DGKB: variants seen among roughly 807,000 people sequenced by gnomAD.
DGKB encodes 90 kDa diacylglycerol kinase.
Under a neutral mutation model 114.3 loss-of-function variants are expected in DGKB, and 67 were observed. That is an observed-to-expected ratio of 0.59 (90% CI 0.48 to 0.72). The LOEUF (loss-of-function observed/expected upper bound fraction) is 0.72. DGKB is among the 30% of genes least tolerant of loss of function. DGKB has a pLI of 0.00. For synonymous variants in DGKB, 398 were observed against 323.1 expected, an observed-to-expected ratio of 1.23 and a Z score of -2.49; for missense variants, 907 against 975.2, an observed-to-expected ratio of 0.93 and a Z score of 0.93.
intron 17 of DGKB, among the ~76,000 whole-genome samples, chr7:14,605,382 CTA>C (rs1328822874): frequency 3.0e-4 from 40 of 131,542 alleles, no homozygotes; most frequent in African/African-American, 8.0e-4. Context: ...ATATATACAC[CTA>C]TATATGTGTG....
intron 13 of DGKB, among the ~76,000 whole-genome samples, chr7:14,641,469 C>A (rs565391543): frequency 1.4e-5 from 2 of 146,956 alleles, no homozygotes; most frequent in African/African-American, 5.0e-5. Flanking sequence ...TTGCTCAAGG[C>A]AGTTAACATT....
At chr7:14,750,404 C>T (rs1723237) in intron 4 of DGKB, among the ~76,000 whole-genome samples, 54,449 of 152,038 alleles carry the variant, frequency 0.36, 13,385 homozygotes, top group African/African-American at 0.69. Context: ...CTCTTGAAAA[C>T]GTTGTGTTGA....
intron 22 of DGKB, among the ~76,000 whole-genome samples, chr7:14,344,795 C>CT (rs1466615781): frequency 6.6e-6 from 1 of 151,062 alleles, no homozygotes; most frequent in Non-Finnish European, 1.5e-5. Context: ...GGCATTTCCA[C>CT]TTTCTATAAA....
chr7:14,203,502 T>C (rs894217472), intron 23 of DGKB, among the ~76,000 whole-genome samples: 1 of 151,986 alleles, frequency 6.6e-6, no homozygotes, highest in Admixed American at 6.6e-5. Flanking sequence ...TTTTAAAAGA[T>C]AGCCAGCTAG....
At position 14,340,159 on chromosome 7, in the gene DGKB, CTTTTTTTTTT is replaced by C. The variant is rs35208788; in HGVS notation, c.1927-1459_1927-1450del. On this transcript the variant is annotated intron_variant, in intron 22 of 25. Coordinates refer to ENST00000402815, the MANE Select transcript of DGKB (RefSeq NM_001350709.2). ...GGGCGAAACCAAGATCTGGATGATG[CTTTTTTTTTT>C]TTTTTTTTTTTTCCAGAAAGCAGTG... 3.4e-5 allele frequency among the ~76,000 whole-genome samples: 3 copies of C among 89,174 alleles called. No individual in the cohort carries two copies. In the Admixed American group the frequency reaches 3.8e-4, roughly 11 times the overall value. 58.5% of individuals were successfully genotyped at this position (89,174 alleles called of 152,430 possible). A position where few individuals can be genotyped will look rare whatever the true frequency, so the allele number is the denominator to read the frequency against.
chr7:14,856,820 C>T (rs1850219469), intron 1 of DGKB, among the ~76,000 whole-genome samples: 1 of 152,076 alleles, frequency 6.6e-6, no homozygotes. Context: ...TTAGGGTATG[C>T]TTTATTATAG....
chr7:14,584,305 T>C (rs1584957856), intron 17 of DGKB, among the ~76,000 whole-genome samples: 2 of 152,346 alleles, frequency 1.3e-5, no homozygotes, highest in South Asian at 4.1e-4. Context: ...AAAAAAGTAT[T>C]GTATTTAACA....
intron 18 of DGKB, among the ~76,000 whole-genome samples, chr7:14,581,292 C>T (rs903198335): frequency 2.0e-5 from 3 of 152,110 alleles, no homozygotes; most frequent in Non-Finnish European, 4.4e-5. Flanking sequence ...CATAAGATTA[C>T]AATACAGAGA....
chr7:14,176,394 T>C (rs1452357294), intron 25 of DGKB: 3 of 985,210 alleles, frequency 3.0e-6, no homozygotes, highest in East Asian at 1.1e-4. Flanking sequence ...TTTTTTCTTA[T>C]GGAGAAGAAA....
chr7:14,331,909 G>T (rs1464561801), intron 23 of DGKB, among the ~76,000 whole-genome samples: 2 of 152,088 alleles, frequency 1.3e-5, no homozygotes, highest in Non-Finnish European at 2.9e-5. Context: ...CAGATACACA[G>T]TCTCTCCCAA....
At chr7:14,600,769 T>C (rs990575042) in intron 17 of DGKB, among the ~76,000 whole-genome samples, 1 of 152,218 alleles carries the variant, frequency 6.6e-6, no homozygotes, top group Non-Finnish European at 1.5e-5. Flanking sequence ...TCTTTGACGA[T>C]GTGTCCTGCC....
intron 17 of DGKB, among the ~76,000 whole-genome samples, chr7:14,591,697 C>CTAAT (rs1481816286): frequency 6.6e-6 from 1 of 151,960 alleles, no homozygotes; most frequent in African/African-American, 2.4e-5. Flanking sequence ...GAATGTAGAT[C>CTAAT]TAATGTTAAT....
intron 20 of DGKB, among the ~76,000 whole-genome samples, chr7:14,526,587 A>T (rs1790682465): frequency 6.6e-6 from 1 of 152,164 alleles, no homozygotes; most frequent in Admixed American, 6.6e-5. Flanking sequence ...CACCTTTAAG[A>T]GTAAATATTT....
intron 23 of DGKB, among the ~76,000 whole-genome samples, chr7:14,234,311 T>C (rs1472451519): frequency 6.6e-6 from 1 of 152,110 alleles, no homozygotes; most frequent in African/African-American, 2.4e-5. Flanking sequence ...AAAAAATTCA[T>C]ACACTCTTCT....
chr7:14,434,380 G>T (rs781042606), intron 21 of DGKB, among the ~76,000 whole-genome samples: 3 of 152,008 alleles, frequency 2.0e-5, no homozygotes, highest in Non-Finnish European at 4.4e-5. Context: ...AATTTTCCAG[G>T]TGAGCCAAAT....
intron 21 of DGKB, among the ~76,000 whole-genome samples, chr7:14,470,341 G>A (rs191053809): frequency 8.6e-5 from 13 of 151,900 alleles, no homozygotes; most frequent in Admixed American, 4.6e-4. Context: ...TATACACAAG[G>A]TAGAAGTGTG....
intron 13 of DGKB, among the ~76,000 whole-genome samples, chr7:14,670,079 G>A (rs185949361): frequency 4.7e-4 from 72 of 151,980 alleles, no homozygotes; most frequent in African/African-American, 1.6e-3. Flanking sequence ...ATGAATAAAG[G>A]CCTATTTGAT....
chr7:14,840,446 T>C (rs940519741), intron 2 of DGKB, among the ~76,000 whole-genome samples: 26 of 152,180 alleles, frequency 1.7e-4, no homozygotes, highest in African/African-American at 6.0e-4. Context: ...CTTTATGAAA[T>C]AGACATATTC....
chr7:14,710,308 C>T (rs988749857), intron 6 of DGKB, among the ~76,000 whole-genome samples: 12 of 151,376 alleles, frequency 7.9e-5, no homozygotes, highest in African/African-American at 2.9e-4. Flanking sequence ...TTTTATTTAC[C>T]TATTATTAGT....
Sources: gnomAD v4.1 joint callset for allele counts (sites outside exome capture counted in the v4.1 genomes callset) on GRCh38, gnomAD v4.1.1 for gene constraint, MANE v1.5 for transcripts, NCBI Gene and HGNC (gene_info 2026-07-23, HGNC 2026-07-21) for gene names.